The following DEPDC4 variants were observed in gnomAD, a reference collection of about 807,000 sequenced individuals.
DEPDC4 encodes the protein DEP domain containing 4.
Under a neutral mutation model 52.0 loss-of-function variants are expected in DEPDC4, and 52 were observed. The observed-to-expected ratio is 1.00, with a 90% CI of 0.80 to 1.26. The LOEUF is 1.26. DEPDC4 is among the 50% of genes most tolerant of loss of function. DEPDC4 has a pLI of 0.00. For synonymous variants in DEPDC4, 201 were observed against 196.8 expected (o/e 1.02, Z -0.18); for missense variants, 530 against 546.9 (o/e 0.97, Z 0.31).
rs557573654 is a variant in DEPDC4, at chr12:100,242,697, G to A, written c.1454-128C>T. The A allele has an allele frequency of 1.2e-4, 18 of 154,846 alleles. No individual in the cohort carries two copies. In the South Asian group the frequency reaches 2.4e-3, roughly 21 times the overall value. The allele number at this position is 154,846 out of a possible 1,614,324, so 9.6% of individuals were successfully genotyped here. A position where few individuals can be genotyped will look rare whatever the true frequency, so the allele number is the denominator to read the frequency against. ...TATGCTATGCTGCCTTTGGCTCTCTGTCAACTTTCTTCAGTCTCAGAACAT... is the reference window on the plus strand; with the variant it reads ...TATGCTATGCTGCCTTTGGCTCTCTATCAACTTTCTTCAGTCTCAGAACAT... On this transcript the variant is annotated intron_variant, in intron 8 of 9. Transcript: ENST00000550587.
chr12:100,238,552 TCTCAG>T (rs1227389560), downstream of DEPDC4, among the ~76,000 whole-genome samples: 8 of 139,662 alleles, frequency 5.7e-5, no homozygotes, highest in Non-Finnish European at 1.2e-4. Context: ...AGTGGCATAA[TCTCAG>T]CTCACTGCAA....
At chr12:100,249,809 G>A (rs2096200351) in intron 7 of DEPDC4, among the ~76,000 whole-genome samples, 1 of 152,172 alleles carries the variant, frequency 6.6e-6, no homozygotes, top group African/African-American at 2.4e-5. Flanking sequence ...ACTGTTACAG[G>A]TGATGAATGA....
chr12:100,258,093 G>C (rs1209717560), intron 3 of DEPDC4, among the ~76,000 whole-genome samples: 1 of 152,138 alleles, frequency 6.6e-6, no homozygotes, highest in Non-Finnish European at 1.5e-5. Context: ...TCAAACTCCT[G>C]TTCTAAGTGC....
rs558831949 is a variant in DEPDC4, at chr12:100,261,829, C to T, written c.700+435G>A. The stretch of plus-strand genomic sequence containing the variant: ...TACACTACTTAAATCACATTTAAAA[C>T]GTCAGTTCTTGGAAACAGTAAAAAT... On this transcript the variant is annotated intron_variant, in intron 3 of 9. Transcript: ENST00000550587. 31 of 455,022 alleles carry T rather than the reference C, an allele frequency of 6.8e-5. No homozygotes were observed. In the East Asian group the frequency reaches 1.2e-3, roughly 17 times the overall value. 28.2% of individuals were successfully genotyped at this position (455,022 alleles called of 1,614,324 possible).
intron 3 of DEPDC4, 45 bp downstream of exon 3, chr12:100,262,219 A>G (rs763982231): frequency 6.4e-7 from 1 of 1,566,920 alleles, no homozygotes; most frequent in East Asian, 2.3e-5. Flanking sequence ...AAAAGAAGTT[A>G]GTTCTTCCTT....
chr12:100,272,272 T>A, the DEPDC4 span, among the ~76,000 whole-genome samples: 1 of 152,212 alleles, frequency 6.6e-6, no homozygotes, highest in Non-Finnish European at 1.5e-5. Flanking sequence ...TATAGGCTTT[T>A]TTCTTCATTA....
At chr12:100,233,669 A>G (rs1390469884) in intron 9 of DEPDC4, among the ~76,000 whole-genome samples, 2 of 152,246 alleles carry the variant, frequency 1.3e-5, no homozygotes, top group Admixed American at 1.3e-4. Context: ...GTTGCTAAGC[A>G]TCAGAGATGA....
intron 4 of DEPDC4, among the ~76,000 whole-genome samples, chr12:100,255,408 G>T (rs2096228455): frequency 6.6e-6 from 1 of 152,198 alleles, no homozygotes; most frequent in Non-Finnish European, 1.5e-5. Context: ...CACAAGATCT[G>T]AAGTTTTCTG....
rs1264282574 is a variant in DEPDC4, at chr12:100,263,662, T to C, written c.389A>G (p.His130Arg). 1 of 1,614,088 alleles carries C rather than the reference T, an allele frequency of 6.2e-7. No homozygotes were observed. The highest frequency in any genetic ancestry group is 2.2e-5 in the East Asian group (1 of 44,866). ...GVHLCQVLMN[H>R]KVFEPVGMKK... ...CATTCCTACTGGTTCAAATACTTTG[T>C]GATTCATTAGAACTTGGCAAAGATG... is the stretch of plus-strand genomic sequence containing the variant. Residue 130 changes from histidine (H) to arginine (R), a missense_variant, in exon 2 of 10, where the codon CAC (histidine) becomes CGC (arginine). Coordinates refer to ENST00000550587, the MANE Select transcript of DEPDC4 (RefSeq NM_001364818.2).
intron 1 of DEPDC4, among the ~76,000 whole-genome samples, 173 bp from the exon 2 acceptor site, chr12:100,264,066 T>G (rs1159777138): frequency 6.6e-6 from 1 of 152,214 alleles, no homozygotes; most frequent in Admixed American, 6.5e-5. Context: ...TTGCACCATG[T>G]GGGTCTGCCA....
At chr12:100,281,849 AAG>A in the DEPDC4 span, among the ~76,000 whole-genome samples, 1 of 151,932 alleles carries the variant, frequency 6.6e-6, no homozygotes, top group African/African-American at 2.4e-5. Context: ...AAAAAAAAAA[AAG>A]AAAGTACAAA....
intron 3 of DEPDC4, among the ~76,000 whole-genome samples, chr12:100,258,666 A>G (rs567397873): frequency 2.7e-5 from 4 of 150,586 alleles, no homozygotes; most frequent in African/African-American, 1.0e-4. Flanking sequence ...ACAAGAAGCT[A>G]GAAGGCAATG....
chr12:100,246,433 A>G (rs1592875456), intron 8 of DEPDC4, among the ~76,000 whole-genome samples: 1 of 152,288 alleles, frequency 6.6e-6, no homozygotes, highest in Non-Finnish European at 1.5e-5. Context: ...ATGTTTATTG[A>G]ACATCTACTA....
upstream of DEPDC4, among the ~76,000 whole-genome samples, chr12:100,268,046 G>T (rs2096281492): frequency 6.6e-6 from 1 of 152,142 alleles, no homozygotes; most frequent in Admixed American, 6.5e-5. Flanking sequence ...AAACTTATTG[G>T]ACTTTGAGCA....
intron 9 of DEPDC4, among the ~76,000 whole-genome samples, chr12:100,231,919 TG>T (rs2096135350): frequency 6.6e-6 from 1 of 151,762 alleles, no homozygotes; most frequent in Non-Finnish European, 1.5e-5. Context: ...CACTCCAGCA[TG>T]GGTGTCAGAG....
At chr12:100,281,236 C>T in the DEPDC4 span, among the ~76,000 whole-genome samples, 13 of 151,920 alleles carry the variant, frequency 8.6e-5, no homozygotes, top group African/African-American at 2.7e-4. Flanking sequence ...TCCATGTTTC[C>T]CAGGCTGGTC....
At chr12:100,266,040 A>G (rs934506597) in intron 1 of DEPDC4, among the ~76,000 whole-genome samples, 6 of 152,174 alleles carry the variant, frequency 3.9e-5, no homozygotes, top group Non-Finnish European at 7.3e-5. Flanking sequence ...GTCATTCTTC[A>G]TTCTTCCGTA....
At chr12:100,260,255 G>T (rs2096249159) in intron 3 of DEPDC4, among the ~76,000 whole-genome samples, 1 of 151,732 alleles carries the variant, frequency 6.6e-6, no homozygotes, top group Non-Finnish European at 1.5e-5. Flanking sequence ...AGAGTAGCTA[G>T]GATTATAGGC....
chr12:100,271,491 T>G (rs1318504018), upstream of DEPDC4, among the ~76,000 whole-genome samples: 2 of 152,168 alleles, frequency 1.3e-5, no homozygotes, highest in African/African-American at 2.4e-5. Flanking sequence ...TAAATGGTAT[T>G]CTCTTATTTT....
Sources: allele counts gnomAD v4.1 joint callset (sites outside exome capture counted in the v4.1 genomes callset), GRCh38; gene constraint gnomAD v4.1.1; transcripts MANE v1.5; gene names NCBI Gene and HGNC (gene_info 2026-07-23, HGNC 2026-07-21).